KIF24: variants seen among roughly 807,000 people sequenced by gnomAD.
KIF24 encodes the protein kinesin family member 24, also known as kinesin-like protein KIF24.
A neutral mutation model predicts 118.9 loss-of-function variants in KIF24; 81 were observed. That is an observed-to-expected ratio of 0.68 (90% confidence interval 0.57 to 0.82). The LOEUF (loss-of-function observed/expected upper bound fraction) is 0.82. Among genes scored for constraint, KIF24 ranks in the 40% least tolerant of loss-of-function variants. The pLI, the probability that KIF24 is intolerant of heterozygous loss-of-function variation, is 0.00. For missense variants in KIF24, 1,560 were observed against 1,661.6 expected (o/e 0.94, Z 1.06); for synonymous variants, 599 against 610.0 (o/e 0.98, Z 0.27).
rs1452707968 is a variant in KIF24, at chr9:34,257,722, T to C, written c.1885A>G (p.Lys629Glu). ...GGACTCCCTCTGGAGCCACCCCTTT[T>C]ACCAGAGACCTTAGGTGCAGAAGTA... is the stretch of plus-strand genomic sequence containing the variant. ...PFTSAPKVSG[K>E]RGGSRGSPSQ... Residue 629 changes from lysine to glutamate, a missense_variant, in exon 11 of 13, where the codon AAA becomes GAA. Around this residue, in one of 3 missense-constraint regions of KIF24, gnomAD observed 964 missense variants for 988.0 expected, o/e 0.98. Coordinates refer to ENST00000402558, the MANE Select transcript of KIF24 (RefSeq NM_194313.4). 7 of 1,613,930 alleles carry C rather than the reference T, an allele frequency of 4.3e-6. No individual in the cohort carries two copies. In the South Asian group the frequency reaches 7.7e-5, roughly 18 times the overall value.
At chr9:34,273,142 G>A (rs1469198092) in intron 6 of KIF24, among the ~76,000 whole-genome samples, 1 of 151,536 alleles carries the variant, frequency 6.6e-6, no homozygotes. Context: ...CACTTTTAAA[G>A]CCAGTAAAAG....
Position 34,318,333 on chromosome 9 carries a change from C to CA in KIF24, c.-25-6963dup. The CA allele has an allele frequency of 1.7e-6, 1 of 583,474 alleles. No individual in the cohort carries two copies. Among genetic ancestry groups the CA allele is most frequent in the African/African-American group, 1.9e-5 (1 of 53,902 alleles). 36.1% of individuals were successfully genotyped at this position (583,474 alleles called of 1,614,324 possible). Reference sequence around the variant, plus strand: ...CTCCCGTCTTGGAGCCAGCCCAGCCCAACCCAGCCCAACCCAGCTTGACCT... The same window carrying CA: ...CTCCCGTCTTGGAGCCAGCCCAGCCCAAACCCAGCCCAACCCAGCTTGACCT... On this transcript the variant is annotated intron_variant, in intron 1 of 12. Transcript: ENST00000402558. This position sits in a 1 kb window ranked among gnomAD's most constrained non-coding sequence, Gnocchi z 4.9.
At chr9:34,294,152 A>G (rs1046877619) in intron 4 of KIF24, among the ~76,000 whole-genome samples, 1 of 152,106 alleles carries the variant, frequency 6.6e-6, no homozygotes, top group Non-Finnish European at 1.5e-5. Context: ...ATAGGGTCTC[A>G]CTATATTGCC....
At chr9:34,309,137 G>C (rs945435709) in intron 2 of KIF24, among the ~76,000 whole-genome samples, 1 of 151,984 alleles carries the variant, frequency 6.6e-6, no homozygotes, top group Non-Finnish European at 1.5e-5. Flanking sequence ...AAATGGTAAT[G>C]GTTAAACTAA....
At position 34,306,311 on chromosome 9, in the gene KIF24, C is replaced by A. The variant is rs776872791; in HGVS notation, c.754G>T (p.Glu252Ter). 1 of 1,610,570 alleles carries A rather than the reference C, an allele frequency of 6.2e-7. No individual in the cohort carries two copies. Among genetic ancestry groups the A allele is most frequent in the Non-Finnish European group, 8.5e-7 (1 of 1,177,096 alleles). ...TTCTTCTCATGCACAAGTAGAGTTTCTTTGTCTTCTACAGTAATAATATTA... is the reference window on the plus strand; with the variant it reads ...TTCTTCTCATGCACAAGTAGAGTTTATTTGTCTTCTACAGTAATAATATTA... ...EINIITVEDKETLLVHEKKEA... is the reference protein window; with the variant it reads ...EINIITVEDK Residue 252 changes from glutamate (E) to a stop codon, truncating the protein, a stop_gained, in exon 3 of 13, where the codon GAA becomes TAA. Transcript: ENST00000402558. LOFTEE classifies it high-confidence loss of function.
intron 6 of KIF24, among the ~76,000 whole-genome samples, chr9:34,285,801 A>C (rs1378512178): frequency 3.3e-5 from 5 of 151,112 alleles, no homozygotes; most frequent in Admixed American, 2.6e-4. Context: ...AATTAAAAAA[A>C]AATTAGCCAG....
intron 6 of KIF24, among the ~76,000 whole-genome samples, chr9:34,273,343 T>C (rs970517685): frequency 7.0e-6 from 1 of 143,808 alleles, no homozygotes; most frequent in Non-Finnish European, 1.5e-5. Context: ...TGTGGAAAGA[T>C]AATGAAGGGA....
intron 6 of KIF24, among the ~76,000 whole-genome samples, chr9:34,279,686 T>A (rs1013724298): frequency 6.6e-6 from 1 of 152,180 alleles, no homozygotes; most frequent in African/African-American, 2.4e-5. Flanking sequence ...TCTGAGAGGG[T>A]AATACTCCAA....
chr9:34,269,924 T>TA (rs1200962658), intron 7 of KIF24, among the ~76,000 whole-genome samples: 1 of 150,180 alleles, frequency 6.7e-6, no homozygotes, highest in African/African-American at 2.4e-5. Context: ...CCCCATCTCT[T>TA]AAAAAATTCT....
chr9:34,318,373 C>A lies in KIF24; in HGVS notation c.-25-7002G>T, dbSNP rs988833276. The A allele has an allele frequency of 1.2e-5, 8 of 680,790 alleles. No individual in the cohort carries two copies. Among genetic ancestry groups the A allele is most frequent in the Non-Finnish European group, 1.9e-5 (7 of 372,734 alleles). 42.2% of individuals were successfully genotyped at this position (680,790 alleles called of 1,614,324 possible). A position where few individuals can be genotyped will look rare whatever the true frequency, so the allele number is the denominator to read the frequency against. On this transcript the variant is annotated intron_variant, in intron 1 of 12. Coordinates refer to ENST00000402558, the MANE Select transcript of KIF24 (RefSeq NM_194313.4). This position sits in a 1 kb window ranked among gnomAD's most constrained non-coding sequence, Gnocchi z 4.9. ...CAGCTTGACCTAGCCCTGACAGGTCCATCGTGGTGCACGCAAACCACCTCC... is the reference window on the plus strand; with the variant it reads ...CAGCTTGACCTAGCCCTGACAGGTCAATCGTGGTGCACGCAAACCACCTCC...
rs570509115 is a variant in KIF24 at position 34,257,008 on chromosome 9, T to G, written c.2599A>C (p.Lys867Gln). 2.2e-5 allele frequency: 35 copies of G among 1,614,024 alleles called. No homozygotes were observed. In the South Asian group the frequency reaches 3.8e-4, roughly 18 times the overall value. ...CTCTGCTGTCTTTCTGCCACCTGCT[T>G]CTCAGGACCCTGTCCCCACGTCTGG... ...LHQTWGQGPE[K>Q]QVAERQQSLF... The change falls in exon 11 of 13, where the codon AAG becomes CAG. Residue 867 changes from lysine (K) to glutamine (Q), a missense_variant. Coordinates refer to ENST00000402558, the MANE Select transcript of KIF24 (RefSeq NM_194313.4).
upstream of KIF24, among the ~76,000 whole-genome samples, chr9:34,333,342 TG>T (rs1837999283): frequency 6.6e-6 from 1 of 152,126 alleles, no homozygotes; most frequent in Admixed American, 6.5e-5. Context: ...ACTGGGAATT[TG>T]GGGCCAGGCA....
At chr9:34,293,929 G>A (rs1836357758) in intron 4 of KIF24, among the ~76,000 whole-genome samples, 2 of 152,166 alleles carry the variant, frequency 1.3e-5, no homozygotes, top group African/African-American at 4.8e-5. Context: ...TTACTGTTGG[G>A]AGTATAAAAT....
intron 6 of KIF24, among the ~76,000 whole-genome samples, chr9:34,275,903 T>C (rs923299316): frequency 6.6e-6 from 1 of 152,098 alleles, no homozygotes; most frequent in Non-Finnish European, 1.5e-5. Flanking sequence ...AAAGATTATC[T>C]CCACCTAACA....
rs965918402 is a variant in KIF24 at position 34,298,271 on chromosome 9, G to A, written c.814-1157C>T. On this transcript the variant is annotated intron_variant, in intron 3 of 12. Transcript: ENST00000402558. ...TAGAAAAGTGAAACAGAGGCCGGGC[G>A]CAGTGGCTCCACACCTGTAATCTCA... Among the ~76,000 whole-genome samples, 6 of 152,086 alleles carry A rather than the reference G, an allele frequency of 3.9e-5. No homozygotes were observed. In the South Asian group the frequency reaches 6.2e-4, roughly 16 times the overall value.
chr9:34,256,577 TTC>T lies in KIF24; in HGVS notation c.3028_3029del (p.Glu1010SerfsTer25), dbSNP rs1834854116. 6.2e-7 allele frequency: 1 copy of T among 1,614,004 alleles called. No individual in the cohort carries two copies. Among genetic ancestry groups the T allele is most frequent in the African/African-American group, 1.3e-5 (1 of 75,040 alleles). On this transcript the variant is annotated frameshift_variant, in exon 11 of 13. Coordinates refer to ENST00000402558, the MANE Select transcript of KIF24 (RefSeq NM_194313.4). LOFTEE classifies it high-confidence loss of function. ...CCTGGATTGGGCCGTCTGCACTGAC[TTC>T]TCTCAGAGGTGTGGTGACTGTGTCT... ...QRDTVTTPLR[E>X]VSADGPIQVT...
intron 3 of KIF24, among the ~76,000 whole-genome samples, chr9:34,305,378 T>G (rs1018794920): frequency 1.3e-5 from 2 of 152,206 alleles, no homozygotes; most frequent in Admixed American, 1.3e-4. Context: ...CAATTAAGTA[T>G]AAGCCCAAGA....
Position 34,318,705 on chromosome 9 carries a change from A to G in KIF24, c.-25-7334T>C. On this transcript the variant is annotated intron_variant, in intron 1 of 12. Transcript: ENST00000402558. The surrounding 1 kb of genome is among the most constrained non-coding windows in gnomAD (Gnocchi z 4.9). ...GCCAAGGCAGTGCTGAGTGCCAAGCAGCTGAGCGACGAGGAGGTGCACGCC... is the reference window on the plus strand; with the variant it reads ...GCCAAGGCAGTGCTGAGTGCCAAGCGGCTGAGCGACGAGGAGGTGCACGCC... 6.6e-7 allele frequency: 1 copy of G among 1,524,682 alleles called. No individual in the cohort carries two copies. The highest frequency in any genetic ancestry group is 1.4e-5 in the African/African-American group (1 of 74,066). 94.4% of individuals were successfully genotyped at this position (1,524,682 alleles called of 1,614,324 possible). A position where few individuals can be genotyped will look rare whatever the true frequency, so the allele number is the denominator to read the frequency against.
intron 1 of KIF24, among the ~76,000 whole-genome samples, chr9:34,315,605 G>A (rs1282813914): frequency 6.6e-6 from 1 of 152,200 alleles, no homozygotes; most frequent in Non-Finnish European, 1.5e-5. Flanking sequence ...AGATGGTTCT[G>A]CCTTGTACTA....
Sources: gnomAD v4.1 joint callset for allele counts (sites outside exome capture counted in the v4.1 genomes callset) on GRCh38, gnomAD v4.1.1 for gene constraint, gnomAD v4.1.1 regional missense constraint, Gnocchi (gnomAD v3.1) non-coding constraint, MANE v1.5 for transcripts, NCBI Gene and HGNC (gene_info 2026-07-23, HGNC 2026-07-21) for gene names.